Variants in SMOC2 observed in about 807,000 individuals in gnomAD.
SMOC2 encodes SPARC-related modular calcium-binding protein 2.
In SMOC2, 39 loss-of-function variants were observed where a neutral mutation model predicts 61.4. The ratio of observed to expected loss-of-function variants is 0.64; its 90% confidence interval spans 0.49 to 0.83. The LOEUF (loss-of-function observed/expected upper bound fraction) is 0.83, where lower values mean the gene tolerates loss of function less well. Ranked by LOEUF, SMOC2 falls within the 40% of genes least tolerant of loss-of-function variation. The pLI, the probability that SMOC2 is intolerant of heterozygous loss-of-function variation, is 0.00. For synonymous variants in SMOC2, 247 were observed against 239.9 expected, an observed-to-expected ratio of 1.03 and a Z score of -0.27; for missense variants, 556 against 592.9, an observed-to-expected ratio of 0.94 and a Z score of 0.65.
intron 9 of SMOC2, among the ~76,000 whole-genome samples, chr6:168,615,549 G>C (rs1490892197): frequency 1.1e-4 from 12 of 111,592 alleles, no homozygotes; most frequent in Non-Finnish European, 1.9e-4. Flanking sequence ...CCGGCACAGG[G>C]CCTCTTTACA....
chr6:168,501,812 T>G (rs1159467663), intron 1 of SMOC2, among the ~76,000 whole-genome samples: 1 of 152,198 alleles, frequency 6.6e-6, no homozygotes, highest in East Asian at 1.9e-4. Context: ...GAGAGGTCCG[T>G]CTTGATTCCC....
At chr6:168,506,144 T>C (rs1278530945) in intron 1 of SMOC2, among the ~76,000 whole-genome samples, 1 of 151,960 alleles carries the variant, frequency 6.6e-6, no homozygotes, top group African/African-American at 2.4e-5. Context: ...AGTAGCTGGG[T>C]CCACAGGTGC....
At chr6:168,640,714 A>C (rs1786873419) in intron 9 of SMOC2, among the ~76,000 whole-genome samples, 1 of 152,214 alleles carries the variant, frequency 6.6e-6, no homozygotes. Context: ...TGACTCCTTA[A>C]GTTTTTCATA....
chr6:168,464,935 C>T (rs1781794835), intron 1 of SMOC2, among the ~76,000 whole-genome samples: 1 of 152,212 alleles, frequency 6.6e-6, no homozygotes, highest in Admixed American at 6.5e-5. Flanking sequence ...AGGGGTGGCT[C>T]CAGGTGGGTG....
At chr6:168,610,938 C>T (rs1417877712) in intron 9 of SMOC2, among the ~76,000 whole-genome samples, 1 of 152,162 alleles carries the variant, frequency 6.6e-6, no homozygotes, top group Non-Finnish European at 1.5e-5. Context: ...CTTCTTAAAC[C>T]ACACCTTCCT....
intron 7 of SMOC2, among the ~76,000 whole-genome samples, chr6:168,574,789 A>G (rs564512844): frequency 6.6e-6 from 1 of 152,160 alleles, no homozygotes. Flanking sequence ...CTCACTTCAG[A>G]CAGCCAGGAG....
rs368747279 is a variant in SMOC2, at chr6:168,653,134, C to T, written c.1191C>T (p.Asp397=). ...KCVKKFVEYC[D]VNNDKSISVQ... The stretch of plus-strand genomic sequence containing the variant: ...TGAAGAAGTTTGTTGAATACTGTGA[C>T]GTGAATAATGACAAATCCATCTCCG... The change falls in exon 11 of 13, where the codon GAC becomes GAT. Residue 397 remains aspartate, a synonymous_variant. Transcript: ENST00000356284. The T allele has an allele frequency of 2.0e-5, 32 of 1,614,070 alleles. No individual in the cohort carries two copies. The East Asian group carries it at 4.7e-4, about 24-fold the overall frequency.
At chr6:168,460,482 A>G (rs1353545228) in intron 1 of SMOC2, among the ~76,000 whole-genome samples, 5 of 152,194 alleles carry the variant, frequency 3.3e-5, no homozygotes, top group Admixed American at 3.3e-4. Flanking sequence ...TAGGGGTAGA[A>G]TATTGTAAAG....
intron 9 of SMOC2, among the ~76,000 whole-genome samples, chr6:168,642,848 T>C (rs1396597338): frequency 6.6e-6 from 1 of 152,214 alleles, no homozygotes; most frequent in African/African-American, 2.4e-5. Flanking sequence ...AAGCCAAGTG[T>C]TACATGTAAT....
intron 9 of SMOC2, among the ~76,000 whole-genome samples, chr6:168,618,698 C>G (rs753128218): frequency 6.6e-6 from 1 of 152,050 alleles, no homozygotes; most frequent in Non-Finnish European, 1.5e-5. Context: ...AGGAATGTCC[C>G]GCATGGGGTG....
intron 5 of SMOC2, 89 bp downstream of exon 5, chr6:168,543,761 A>G (rs1024907836): frequency 1.1e-5 from 13 of 1,234,242 alleles, no homozygotes; most frequent in African/African-American, 1.5e-5. Flanking sequence ...TGAAACATCC[A>G]CTAGTGATGA....
chr6:168,572,869 C>T (rs532442032), intron 7 of SMOC2, among the ~76,000 whole-genome samples: 1 of 106,342 alleles, frequency 9.4e-6, no homozygotes, highest in South Asian at 3.5e-4. Context: ...GCCCGCATCT[C>T]CGGGTGCTGG....
chr6:168,639,531 GTTTTGA>G (rs1278398138), intron 9 of SMOC2, among the ~76,000 whole-genome samples: 1 of 152,150 alleles, frequency 6.6e-6, no homozygotes, highest in Admixed American at 6.5e-5. Context: ...TTTTGTAGCT[GTTTTGA>G]AATATACAGT....
chr6:168,531,209 G>A (rs1395596514), intron 4 of SMOC2, among the ~76,000 whole-genome samples: 1 of 152,082 alleles, frequency 6.6e-6, no homozygotes, highest in Non-Finnish European at 1.5e-5. Context: ...GAGAGCAGGG[G>A]GGTCAATTTT....
chr6:168,631,539 G>A (rs917791857), intron 9 of SMOC2, among the ~76,000 whole-genome samples: 5 of 152,230 alleles, frequency 3.3e-5, no homozygotes, highest in African/African-American at 1.2e-4. Context: ...GGTAACATGG[G>A]CTGTGCTGCA....
rs2115052009 is a variant in SMOC2, at chr6:168,510,009, T to C, written c.179T>C (p.Phe60Ser). 1 of 1,614,216 alleles carries C rather than the reference T, an allele frequency of 6.2e-7. No homozygotes were observed. The highest frequency in any genetic ancestry group is 8.5e-7 in the Non-Finnish European group (1 of 1,180,052). Reference protein sequence around the residue: ...KPLCASDGRTFLSRCEFQRAK... With the variant: ...KPLCASDGRTSLSRCEFQRAK... ...CTCTGCGCATCTGACGGAAGGACCT[T>C]CCTTTCCCGTTGTGAATTTCAACGT... Residue 60 changes from phenylalanine (F) to serine (S), a missense_variant, in exon 2 of 13, where the codon TTC becomes TCC. Physicochemically the swap from Phe to Ser is radical, Grantham distance 155 (BLOSUM62 -2). Transcript: ENST00000356284.
At chr6:168,575,533 A>C (rs2115149612) in intron 7 of SMOC2, among the ~76,000 whole-genome samples, 1 of 152,306 alleles carries the variant, frequency 6.6e-6, no homozygotes, top group Admixed American at 6.5e-5. Flanking sequence ...TCCCCGATGC[A>C]GAAGACGGGG....
intron 1 of SMOC2, among the ~76,000 whole-genome samples, chr6:168,450,928 G>A (rs540091466): frequency 1.3e-4 from 20 of 152,062 alleles, no homozygotes; most frequent in Non-Finnish European, 2.6e-4. Context: ...GATACTTTAC[G>A]TATTATTTTT....
intron 1 of SMOC2, among the ~76,000 whole-genome samples, chr6:168,442,260 C>T (rs77110153): frequency 0.048 from 7,381 of 152,350 alleles, 403 homozygotes; most frequent in East Asian, 0.14. Context: ...CGAGGGTCAC[C>T]GCGGTTGACC....
Sources: gnomAD v4.1 joint callset for allele counts (sites outside exome capture counted in the v4.1 genomes callset) on GRCh38, gnomAD v4.1.1 for gene constraint, MANE v1.5 for transcripts, NCBI Gene and HGNC (gene_info 2026-07-23, HGNC 2026-07-21) for gene names.